IFT43: variants seen among roughly 807,000 people sequenced by gnomAD.
The protein encoded by IFT43 is intraflagellar transport protein 43 homolog.
In IFT43, 33 loss-of-function variants were observed where a neutral mutation model predicts 32.3. The observed-to-expected ratio is 1.02, with a 90% CI of 0.77 to 1.37. IFT43 has a LOEUF of 1.37. Among genes scored for constraint, IFT43 ranks in the 40% most tolerant of loss-of-function variants. The pLI is 0.00. For synonymous variants in IFT43, 93 were observed against 98.2 expected, an observed-to-expected ratio of 0.95 and a Z score of 0.31; for missense variants, 274 against 265.9, an observed-to-expected ratio of 1.03 and a Z score of -0.21.
intron 2 of IFT43, among the ~76,000 whole-genome samples, chr14:76,004,402 A>C (rs2035944539): frequency 6.6e-6 from 1 of 151,014 alleles, no homozygotes; most frequent in South Asian, 2.1e-4. Context: ...TTTTCCCCCG[A>C]TTGTTCTGTA....
At chr14:76,022,917 T>C (rs1427866665) in intron 3 of IFT43, among the ~76,000 whole-genome samples, 2 of 152,364 alleles carry the variant, frequency 1.3e-5, no homozygotes, top group South Asian at 2.1e-4. Context: ...ATATCAGTCA[T>C]CATTCATAAA....
At chr14:75,999,863 T>G (rs2035849411) in intron 2 of IFT43, among the ~76,000 whole-genome samples, 1 of 152,248 alleles carries the variant, frequency 6.6e-6, no homozygotes, top group Admixed American at 6.5e-5. Flanking sequence ...AATAAGAGTT[T>G]GTTTTCTATG....
At chr14:76,008,956 T>A (rs921041102) in intron 2 of IFT43, among the ~76,000 whole-genome samples, 6 of 152,338 alleles carry the variant, frequency 3.9e-5, no homozygotes, top group African/African-American at 1.4e-4. Flanking sequence ...GGACCTCCTG[T>A]CTTATTGAAC....
intron 5 of IFT43, 80 bp from the exon 6 acceptor site, chr14:76,082,215 G>A (rs2037522936): frequency 7.8e-7 from 1 of 1,283,924 alleles, no homozygotes; most frequent in Non-Finnish European, 1.1e-6. Flanking sequence ...GTGTGTTGAA[G>A]GGGAATGAGT....
intron 5 of IFT43, among the ~76,000 whole-genome samples, chr14:76,070,101 C>T (rs1052053265): frequency 2.0e-5 from 3 of 152,164 alleles, no homozygotes; most frequent in African/African-American, 2.4e-5. Flanking sequence ...GCTCAATTTT[C>T]TATCCATGTC....
intron 1 of IFT43, among the ~76,000 whole-genome samples, chr14:75,986,542 A>G (rs528003857): frequency 9.8e-5 from 15 of 152,296 alleles, no homozygotes; most frequent in Admixed American, 3.3e-4. Flanking sequence ...AGGAAATGCA[A>G]CAATACATGG....
intron 3 of IFT43, among the ~76,000 whole-genome samples, chr14:76,027,778 G>A (rs1442221974): frequency 6.6e-6 from 1 of 150,382 alleles, no homozygotes; most frequent in Non-Finnish European, 1.5e-5. Flanking sequence ...TCATACCTAA[G>A]ACATTTCATA....
intron 2 of IFT43, among the ~76,000 whole-genome samples, chr14:76,003,576 G>A (rs977755083): frequency 6.6e-6 from 1 of 151,304 alleles, no homozygotes; most frequent in Non-Finnish European, 1.5e-5. Context: ...AGGTTACAGT[G>A]AGCCAAGATC....
chr14:75,993,522 T>C (rs1484291796), intron 2 of IFT43, among the ~76,000 whole-genome samples: 1 of 152,188 alleles, frequency 6.6e-6, no homozygotes, highest in African/African-American at 2.4e-5. Context: ...ACTCCTGTCT[T>C]TTAGGATAGA....
At chr14:75,997,614 G>A (rs1293079465) in intron 2 of IFT43, among the ~76,000 whole-genome samples, 1 of 152,104 alleles carries the variant, frequency 6.6e-6, no homozygotes, top group East Asian at 1.9e-4. Context: ...ATCTTTTTTT[G>A]GTATGTGAAA....
chr14:76,077,488 G>A (rs570657645), intron 5 of IFT43, among the ~76,000 whole-genome samples: 1 of 152,206 alleles, frequency 6.6e-6, no homozygotes, highest in East Asian at 1.9e-4. Flanking sequence ...TCCAGTCCTT[G>A]GAATGCACAG....
intron 4 of IFT43, chr14:76,059,058 G>T: frequency 1.4e-6 from 2 of 1,426,006 alleles, no homozygotes. Context: ...TGAAGGTAGG[G>T]CCACCCAGTT....
At chr14:76,016,915 G>T (rs1244027456) in intron 2 of IFT43, among the ~76,000 whole-genome samples, 1 of 152,028 alleles carries the variant, frequency 6.6e-6, no homozygotes, top group Non-Finnish European at 1.5e-5. Context: ...CAACTTCACT[G>T]AATTCATTTA....
At chr14:76,054,542 A>G (rs914167423) in intron 3 of IFT43, among the ~76,000 whole-genome samples, 1 of 152,238 alleles carries the variant, frequency 6.6e-6, no homozygotes, top group Non-Finnish European at 1.5e-5. Flanking sequence ...CTCTGTGTAT[A>G]AAATTGTGCT....
At chr14:76,076,634 G>C (rs150373788) in intron 5 of IFT43, 1 of 1,614,100 alleles carries the variant, frequency 6.2e-7, no homozygotes. Context: ...GGATCTGAAC[G>C]CATGCTATCA....
chr14:76,005,757 T>G lies in IFT43; in HGVS notation c.148-16570T>G, dbSNP rs542791951. Among the ~76,000 whole-genome samples the G allele has an allele frequency of 2.3e-4, 35 of 152,358 alleles. 1 individual carries two copies. In the East Asian group the frequency reaches 6.0e-3, roughly 26 times the overall value. On this transcript the variant is annotated intron_variant, in intron 2 of 8. Coordinates refer to ENST00000314067, the MANE Select transcript of IFT43 (RefSeq NM_001102564.3). ...CACACTCAGATAATCTATTTGAGCATGGATTTTTACCAATCCAGTTCTTTT... is the reference window on the plus strand; with the variant it reads ...CACACTCAGATAATCTATTTGAGCAGGGATTTTTACCAATCCAGTTCTTTT...
At chr14:76,036,434 C>A (rs1364616990) in intron 3 of IFT43, among the ~76,000 whole-genome samples, 5 of 120,404 alleles carry the variant, frequency 4.2e-5, no homozygotes, top group African/African-American at 1.6e-4. Flanking sequence ...TTGGTGGAGT[C>A]TCACTCTCTT....
intron 5 of IFT43, among the ~76,000 whole-genome samples, chr14:76,074,316 G>T (rs1427641106): frequency 6.6e-6 from 1 of 152,108 alleles, no homozygotes; most frequent in East Asian, 1.9e-4. Context: ...TCTTCATCAC[G>T]TTTAAAGTCC....
At chr14:76,021,129 G>T (rs1485451241) in intron 2 of IFT43, among the ~76,000 whole-genome samples, 2 of 152,088 alleles carry the variant, frequency 1.3e-5, no homozygotes, top group African/African-American at 4.8e-5. Flanking sequence ...GTGTGTGCTG[G>T]CAGTGGTGGT....
Sources: allele counts gnomAD v4.1 joint callset (sites outside exome capture counted in the v4.1 genomes callset), GRCh38; gene constraint gnomAD v4.1.1; transcripts MANE v1.5; gene names NCBI Gene and HGNC (gene_info 2026-07-23, HGNC 2026-07-21).